CDK8: variants seen among roughly 807,000 people sequenced by gnomAD.
The protein encoded by CDK8 is cyclin dependent kinase 8.
In CDK8, 29 loss-of-function variants were observed where a neutral mutation model predicts 71.5. The ratio of observed to expected loss-of-function variants is 0.41; its 90% CI spans 0.30 to 0.55. The LOEUF (loss-of-function observed/expected upper bound fraction) is 0.55. Ranked by LOEUF, CDK8 falls within the 20% of genes least tolerant of loss-of-function variation. The probability of loss-of-function intolerance (pLI) is 0.37; values close to 1 mark genes in which losing one functional copy is unlikely to be tolerated. For synonymous variants in CDK8, 161 were observed against 192.1 expected (o/e 0.84, Z 1.34); for missense variants, 288 against 572.6 (o/e 0.50, Z 5.07).
At chr13:26,362,473 T>C (rs1168438850) in intron 4 of CDK8, among the ~76,000 whole-genome samples, 1 of 152,146 alleles carries the variant, frequency 6.6e-6, no homozygotes, top group Non-Finnish European at 1.5e-5. Flanking sequence ...GCTGGGGAGC[T>C]ACTGTACAAG....
At chr13:26,286,945 A>G (rs1196551473) in intron 1 of CDK8, among the ~76,000 whole-genome samples, 1 of 152,220 alleles carries the variant, frequency 6.6e-6, no homozygotes, top group Non-Finnish European at 1.5e-5. Flanking sequence ...TCAAAACCAT[A>G]AGGAGATACC....
At chr13:26,323,084 C>A (rs1171394299) in intron 1 of CDK8, among the ~76,000 whole-genome samples, 2 of 152,158 alleles carry the variant, frequency 1.3e-5, no homozygotes, top group Admixed American at 1.3e-4. Flanking sequence ...CATTGTCAGT[C>A]TGTACAAGGT....
chr13:26,315,631 C>T (rs1005508901), intron 1 of CDK8, among the ~76,000 whole-genome samples: 1 of 152,090 alleles, frequency 6.6e-6, no homozygotes, highest in Admixed American at 6.6e-5. Flanking sequence ...TCTGTGGAAC[C>T]AATTTAGCAT....
intron 7 of CDK8, among the ~76,000 whole-genome samples, chr13:26,393,920 T>A (rs1565998058): frequency 6.6e-6 from 1 of 152,170 alleles, no homozygotes; most frequent in Non-Finnish European, 1.5e-5. Flanking sequence ...AAATATAAAT[T>A]TTGAACCTTA....
intron 1 of CDK8, among the ~76,000 whole-genome samples, chr13:26,328,276 A>C (rs1875118266): frequency 6.6e-6 from 1 of 152,250 alleles, no homozygotes; most frequent in Non-Finnish European, 1.5e-5. Flanking sequence ...GGTAATTCAC[A>C]GTTCTTACTA....
chr13:26,313,630 C>T (rs1479284278), intron 1 of CDK8, among the ~76,000 whole-genome samples: 2 of 152,130 alleles, frequency 1.3e-5, no homozygotes, highest in Non-Finnish European at 2.9e-5. Context: ...CATGTGTTAC[C>T]ATATTTAATC....
At chr13:26,319,967 G>C (rs943895749) in intron 1 of CDK8, among the ~76,000 whole-genome samples, 6 of 152,034 alleles carry the variant, frequency 3.9e-5, no homozygotes, top group African/African-American at 1.5e-4. Context: ...CCATTTAATG[G>C]GGAAAGGACA....
chr13:26,321,582 A>G (rs1306586514), intron 1 of CDK8, among the ~76,000 whole-genome samples: 1 of 152,150 alleles, frequency 6.6e-6, no homozygotes, highest in Non-Finnish European at 1.5e-5. Flanking sequence ...AAAAGTGACA[A>G]TGTGTGTAAT....
intron 2 of CDK8, among the ~76,000 whole-genome samples, chr13:26,341,994 C>G (rs1221153752): frequency 6.6e-6 from 1 of 152,108 alleles, no homozygotes; most frequent in East Asian, 1.9e-4. Flanking sequence ...AATCTCGGCT[C>G]ACTGCAACCT....
chr13:26,320,070 TA>T (rs756355501), intron 1 of CDK8, among the ~76,000 whole-genome samples: 86 of 152,104 alleles, frequency 5.7e-4, no homozygotes, highest in Admixed American at 1.4e-3. Context: ...AAAATTACCT[TA>T]AAATGGATTA....
intron 7 of CDK8, among the ~76,000 whole-genome samples, chr13:26,393,948 A>G (rs1875870989): frequency 6.6e-6 from 1 of 152,190 alleles, no homozygotes; most frequent in Non-Finnish European, 1.5e-5. Context: ...TTAGGGCACT[A>G]TACAGAATCA....
chr13:26,372,467 C>A (rs1019451586), intron 4 of CDK8, among the ~76,000 whole-genome samples: 2 of 151,906 alleles, frequency 1.3e-5, no homozygotes, highest in Admixed American at 1.3e-4. Context: ...AAAGTCAGAC[C>A]ACAAATGATG....
chr13:26,360,164 A>T (rs1874071916), intron 4 of CDK8, among the ~76,000 whole-genome samples: 1 of 152,208 alleles, frequency 6.6e-6, no homozygotes. Flanking sequence ...GTGATAAATT[A>T]AAAATTTGAG....
chr13:26,272,134 A>G (rs953450787), intron 1 of CDK8, among the ~76,000 whole-genome samples: 1 of 151,918 alleles, frequency 6.6e-6, no homozygotes, highest in Non-Finnish European at 1.5e-5. Flanking sequence ...TTAAAACACA[A>G]ACATTGTATA....
chr13:26,269,545 ATTGT>A (rs1566464717), intron 1 of CDK8, among the ~76,000 whole-genome samples: 1 of 150,080 alleles, frequency 6.7e-6, no homozygotes, highest in African/African-American at 2.4e-5. Context: ...TTCTCTTTAG[ATTGT>A]TTTTTTTTTT....
chr13:26,354,005 C>A (rs1389817375), intron 4 of CDK8, 125 bp downstream of exon 4: 8 of 781,648 alleles, frequency 1.0e-5, no homozygotes, highest in Non-Finnish European at 1.7e-5. Flanking sequence ...GAGAATGCTA[C>A]CTTCTCAAAA....
chr13:26,279,144 G>T lies in CDK8; in HGVS notation c.128+24375G>T, dbSNP rs181968859. On this transcript the variant is annotated intron_variant, in intron 1 of 12. Transcript: ENST00000381527. The stretch of plus-strand genomic sequence containing the variant: ...GTGAATCCATCTCGATAGTAAAAAA[G>T]GTAGGGTGGGGGTGGTTCTTTACAG... Among the ~76,000 whole-genome samples, 6 of 152,090 alleles carry T rather than the reference G, an allele frequency of 3.9e-5. No homozygotes were observed. The South Asian group carries it at 8.3e-4, about 21-fold the overall frequency.
intron 2 of CDK8, among the ~76,000 whole-genome samples, chr13:26,341,219 C>T (rs771856365): frequency 3.3e-5 from 5 of 152,118 alleles, no homozygotes; most frequent in African/African-American, 1.2e-4. Flanking sequence ...CTCTGCCTCC[C>T]GGGTTCAAGT....
chr13:26,293,396 A>G (rs1029059492), intron 1 of CDK8, among the ~76,000 whole-genome samples: 1 of 152,086 alleles, frequency 6.6e-6, no homozygotes, highest in Non-Finnish European at 1.5e-5. Context: ...TGAGCTCAGG[A>G]GTTCATGACC....
Sources: gnomAD v4.1 joint callset for allele counts (sites outside exome capture counted in the v4.1 genomes callset) on GRCh38, gnomAD v4.1.1 for gene constraint, MANE v1.5 for transcripts, NCBI Gene and HGNC (gene_info 2026-07-23, HGNC 2026-07-21) for gene names.